The following BCL2 variants were observed in gnomAD, a reference collection of about 807,000 sequenced individuals.
BCL2 encodes the protein BCL2 apoptosis regulator.
A neutral mutation model predicts 14.2 loss-of-function variants in BCL2; 1 was observed. The ratio of observed to expected loss-of-function variants is 0.07; its 90% confidence interval spans 0.02 to 0.33. BCL2 has a LOEUF of 0.33. Among genes scored for constraint, BCL2 ranks in the 10% least tolerant of loss-of-function variants. BCL2 has a pLI of 0.99. For missense variants in BCL2, 247 were observed against 305.9 expected (o/e 0.81, Z 1.44); for synonymous variants, 151 against 137.2 (o/e 1.10, Z -0.70).
At chr18:63,272,170 T>C (rs1912020440) in intron 2 of BCL2, among the ~76,000 whole-genome samples, 4 of 152,164 alleles carry the variant, frequency 2.6e-5, no homozygotes, top group Admixed American at 2.6e-4. Flanking sequence ...TTTCTCTCTG[T>C]CCCTGCTGAC....
intron 2 of BCL2, among the ~76,000 whole-genome samples, chr18:63,222,514 A>G (rs561749608): frequency 6.6e-6 from 1 of 152,296 alleles, no homozygotes; most frequent in African/African-American, 2.4e-5. Context: ...AAAGACTAAA[A>G]GCCATAAGGA....
intron 2 of BCL2, among the ~76,000 whole-genome samples, chr18:63,274,900 C>T (rs572611438): frequency 3.3e-5 from 5 of 152,272 alleles, no homozygotes; most frequent in South Asian, 2.1e-4. Context: ...GCTATGCACA[C>T]GCTGTAGAGT....
In BCL2 at chr18:63,169,284, C is replaced by G. The variant is rs1915132539; in HGVS notation, c.586-40525G>C. Among the ~76,000 whole-genome samples the G allele has an allele frequency of 2.6e-5, 2 of 76,464 alleles. 1 individual carries two copies. The highest frequency in any genetic ancestry group is 2.9e-4 in the Admixed American group (2 of 6,978). The allele number at this position is 76,464 out of a possible 152,430, so 50.2% of individuals were successfully genotyped here. A position where few individuals can be genotyped will look rare whatever the true frequency, so the allele number is the denominator to read the frequency against. On this transcript the variant is annotated intron_variant, in intron 2 of 2. Transcript: ENST00000333681. ...TCTTTCTTTCTTTCTTTCTTTCTTT[C>G]TTTCTTTCTTTCTTTCTTTCTTTCT...
intron 2 of BCL2, among the ~76,000 whole-genome samples, chr18:63,176,096 T>C (rs185463995): frequency 1.3e-5 from 2 of 152,360 alleles, no homozygotes; most frequent in East Asian, 1.9e-4. Context: ...AGACGAGCTG[T>C]TCTGTTCGCT....
chr18:63,298,554 C>T (rs963934164), intron 2 of BCL2, among the ~76,000 whole-genome samples: 1 of 152,230 alleles, frequency 6.6e-6, no homozygotes, highest in Non-Finnish European at 1.5e-5. Flanking sequence ...CCAACCTACC[C>T]ATGGCCAAGG....
At chr18:63,264,620 A>G (rs1911763007) in intron 2 of BCL2, among the ~76,000 whole-genome samples, 1 of 152,240 alleles carries the variant, frequency 6.6e-6, no homozygotes, top group Non-Finnish European at 1.5e-5. Flanking sequence ...CTTGCATGAT[A>G]TTAAATATTT....
chr18:63,261,710 A>T (rs1911664363), intron 2 of BCL2, among the ~76,000 whole-genome samples: 1 of 152,172 alleles, frequency 6.6e-6, no homozygotes, highest in Non-Finnish European at 1.5e-5. Flanking sequence ...ATCCTGTCTT[A>T]AAAAACTGAA....
chr18:63,198,501 TTG>T (rs1909529712), intron 2 of BCL2, among the ~76,000 whole-genome samples: 1 of 50,154 alleles, frequency 2.0e-5, no homozygotes, highest in Non-Finnish European at 4.0e-5. Flanking sequence ...CAGACACACA[TTG>T]ACACACAGAC....
At chr18:63,133,490 G>A (rs1171230293) in intron 2 of BCL2, among the ~76,000 whole-genome samples, 1 of 151,942 alleles carries the variant, frequency 6.6e-6, no homozygotes, top group Non-Finnish European at 1.5e-5. Context: ...AGGGTTTCAT[G>A]TTGGCCAGGC....
At chr18:63,195,399 G>A (rs1909417237) in intron 2 of BCL2, among the ~76,000 whole-genome samples, 1 of 152,128 alleles carries the variant, frequency 6.6e-6, no homozygotes, top group Non-Finnish European at 1.5e-5. Context: ...TGGTAGTAGG[G>A]GAGACAATAA....
At chr18:63,150,513 C>A (rs1048413633) in intron 2 of BCL2, among the ~76,000 whole-genome samples, 1 of 150,892 alleles carries the variant, frequency 6.6e-6, no homozygotes, top group Non-Finnish European at 1.5e-5. Context: ...CTGAGGTTGC[C>A]ATTCCCCACT....
At chr18:63,179,340 C>T (rs1033908268) in intron 2 of BCL2, among the ~76,000 whole-genome samples, 1 of 152,192 alleles carries the variant, frequency 6.6e-6, no homozygotes, top group Non-Finnish European at 1.5e-5. Context: ...GAAAGCTGCT[C>T]CGGTTGGCAG....
chr18:63,169,328 CTT>C (rs1270624213), intron 2 of BCL2, among the ~76,000 whole-genome samples: 26 of 27,576 alleles, frequency 9.4e-4, no homozygotes, highest in African/African-American at 6.4e-3. Context: ...TCCTTCTTTC[CTT>C]TCCTTCCTTT....
chr18:63,183,203 T>C (rs764445573), intron 2 of BCL2, among the ~76,000 whole-genome samples: 1 of 152,152 alleles, frequency 6.6e-6, no homozygotes, highest in African/African-American at 2.4e-5. Flanking sequence ...CAGCAACTCA[T>C]GGAGGGCAAG....
intron 2 of BCL2, among the ~76,000 whole-genome samples, chr18:63,146,287 C>T (rs1413503042): frequency 2.0e-5 from 3 of 152,212 alleles, no homozygotes; most frequent in African/African-American, 7.2e-5. Flanking sequence ...CTTCTGCAGC[C>T]GCAGCCAGGG....
chr18:63,229,613 G>A (rs1356426812), intron 2 of BCL2, among the ~76,000 whole-genome samples: 2 of 152,212 alleles, frequency 1.3e-5, no homozygotes, highest in Non-Finnish European at 2.9e-5. Flanking sequence ...CTCTGGCTAT[G>A]TGATGTGCCT....
chr18:63,148,562 G>T (rs1054423610), intron 2 of BCL2, among the ~76,000 whole-genome samples: 7 of 151,948 alleles, frequency 4.6e-5, no homozygotes, highest in African/African-American at 1.7e-4. Flanking sequence ...ATGGTCTTTC[G>T]GTGCTGGATC....
intron 2 of BCL2, among the ~76,000 whole-genome samples, chr18:63,259,977 C>T (rs1414545046): frequency 2.0e-5 from 3 of 152,312 alleles, no homozygotes; most frequent in Middle Eastern, 3.4e-3. Flanking sequence ...GCCTTTTCTC[C>T]GTTTTTGCTT....
Position 63,128,612 on chromosome 18 carries a change from A to C in BCL2, c.*13T>G, listed in dbSNP as rs759865650. The C allele has an allele frequency of 1.3e-6, 1 of 780,200 alleles. No individual in the cohort carries two copies. The highest frequency in any genetic ancestry group is 1.3e-5 in the South Asian group (1 of 74,496). 48.3% of individuals were successfully genotyped at this position (780,200 alleles called of 1,614,324 possible). A position where few individuals can be genotyped will look rare whatever the true frequency, so the allele number is the denominator to read the frequency against. ...AACCTTTTGCATATTTGTTTGGGGC[A>C]GGCATGTTGACTTCACTTGTGGCCC... On this transcript the variant is annotated 3_prime_UTR_variant, in exon 3 of 3. Coordinates refer to ENST00000333681, the MANE Select transcript of BCL2 (RefSeq NM_000633.3).
Sources: allele counts gnomAD v4.1 joint callset (sites outside exome capture counted in the v4.1 genomes callset), GRCh38; gene constraint gnomAD v4.1.1; transcripts MANE v1.5; gene names NCBI Gene and HGNC (gene_info 2026-07-23, HGNC 2026-07-21).